Variants in TMPRSS15 observed in about 807,000 individuals in gnomAD.
TMPRSS15 encodes the protein transmembrane serine protease 15, also known as enteropeptidase.
A neutral mutation model predicts 125.3 loss-of-function variants in TMPRSS15; 128 were observed. The ratio of observed to expected loss-of-function variants is 1.02; its 90% CI spans 0.89 to 1.18. The LOEUF is 1.18. Among genes scored for constraint, TMPRSS15 ranks in the 50% most tolerant of loss-of-function variants. TMPRSS15 has a pLI of 0.00. For synonymous variants in TMPRSS15, 446 were observed against 423.2 expected, an observed-to-expected ratio of 1.05 and a Z score of -0.66; for missense variants, 1,283 against 1,212.7, an observed-to-expected ratio of 1.06 and a Z score of -0.86.
At position 18,269,930 on chromosome 21, in the gene TMPRSS15, G is replaced by T; in HGVS notation, c.*39C>A. The T allele has an allele frequency of 6.2e-7, 1 of 1,610,710 alleles. No individual in the cohort carries two copies. The highest frequency in any genetic ancestry group is 8.5e-7 in the Non-Finnish European group (1 of 1,177,692). ...TTCCATGCTTTCTAGAGTAGAATGG[G>T]AAAATAATGCGACTTTCCTGTTTAG... On this transcript the variant is annotated 3_prime_UTR_variant, in exon 25 of 25. Coordinates refer to ENST00000284885, the MANE Select transcript of TMPRSS15 (RefSeq NM_002772.3).
intron 13 of TMPRSS15, among the ~76,000 whole-genome samples, chr21:18,339,348 G>A (rs2075424742): frequency 6.6e-6 from 1 of 152,116 alleles, no homozygotes; most frequent in African/African-American, 2.4e-5. Flanking sequence ...CCTAATGGTA[G>A]CTCATTTGTT....
chr21:18,466,936 T>C (rs531385203), intron 1 of TMPRSS15, among the ~76,000 whole-genome samples: 1 of 152,202 alleles, frequency 6.6e-6, no homozygotes, highest in South Asian at 2.1e-4. Context: ...TATAAATCAT[T>C]CTACTATAAA....
In TMPRSS15 at chr21:18,365,206, C is replaced by G. The variant is rs143785380; in HGVS notation, c.707G>C (p.Gly236Ala). The change falls in exon 7 of 25, where the codon GGG becomes GCG. Residue 236 changes from glycine (G) to alanine (A), a missense_variant. Physicochemically the swap from Gly to Ala is moderately conservative, Grantham distance 60. Coordinates refer to ENST00000284885, the MANE Select transcript of TMPRSS15 (RefSeq NM_002772.3). ...TGGATAATGAGTAGCCTGGAAAGAC[C>G]CAGATGATCCAGTTAACAAAAATCT... ...DGRFLLTGSS[G>A]SFQATHYPKP... 2.1e-5 allele frequency: 34 copies of G among 1,613,936 alleles called. No homozygotes were observed. The Middle Eastern group carries it at 8.2e-4, about 39-fold the overall frequency.
At chr21:18,300,413 C>T (rs570913579) in intron 18 of TMPRSS15, among the ~76,000 whole-genome samples, 1 of 149,726 alleles carries the variant, frequency 6.7e-6, no homozygotes, top group African/African-American at 2.5e-5. Context: ...TCAATCTCGA[C>T]TCACTGCAAC....
intron 1 of TMPRSS15, among the ~76,000 whole-genome samples, chr21:18,464,857 C>T (rs973471186): frequency 6.6e-6 from 1 of 152,178 alleles, no homozygotes; most frequent in Admixed American, 6.5e-5. Context: ...ACCATTCCTT[C>T]TGAAACTCTT....
At chr21:18,395,937 C>T (rs1337812654) in intron 3 of TMPRSS15, among the ~76,000 whole-genome samples, 4 of 152,176 alleles carry the variant, frequency 2.6e-5, no homozygotes, top group African/African-American at 7.2e-5. Context: ...TGCTATTGAG[C>T]TTGTACATTG....
In TMPRSS15 at chr21:18,436,944, C is replaced by T. The variant is rs556743092; in HGVS notation, c.11-38615G>A. ...AATGCCATCCCCATCAAGCTACCAA[C>T]GACTTTCTTCACAGAATTGGAAAAA... On this transcript the variant is annotated intron_variant, in intron 1 of 7. Transcript: ENST00000422787. Among the ~76,000 whole-genome samples, 612 of 114,272 alleles carry T rather than the reference C, an allele frequency of 5.4e-3. 5 individuals are homozygous for T. Among genetic ancestry groups the T allele is most frequent in the Non-Finnish European group, 6.2e-3 (340 of 55,092 alleles). 75.0% of individuals were successfully genotyped at this position (114,272 alleles called of 152,430 possible).
At chr21:18,432,641 T>A (rs951405189) in intron 1 of TMPRSS15, among the ~76,000 whole-genome samples, 2 of 152,102 alleles carry the variant, frequency 1.3e-5, no homozygotes, top group Non-Finnish European at 2.9e-5. Context: ...AAAGAAAGCA[T>A]CAGGCTACCA....
Position 18,326,594 on chromosome 21 carries a change from T to G in TMPRSS15, c.1781-22A>C, listed in dbSNP as rs377160330. The G allele has an allele frequency of 1.9e-6, 3 of 1,613,814 alleles. No homozygotes were observed. In the African/African-American group the frequency reaches 4.0e-5, roughly 22 times the overall value. On this transcript the variant is annotated intron_variant, in intron 15 of 24. Transcript: ENST00000284885. ...ACAGCTGTTCCAAAGGAAAACGAGA[T>G]AATCAGTGAGATGATCCTTTGGATC... is the stretch of plus-strand genomic sequence containing the variant.
chr21:18,478,180 C>T (rs1041843116), intron 1 of TMPRSS15, among the ~76,000 whole-genome samples: 6 of 151,930 alleles, frequency 3.9e-5, no homozygotes, highest in Admixed American at 1.3e-4. Flanking sequence ...TAACTAGAAA[C>T]GTTAAAGCAG....
Position 18,403,481 on chromosome 21 carries a change from G to T in TMPRSS15, c.142C>A (p.Arg48=), listed in dbSNP as rs1481119745. The T allele has an allele frequency of 6.2e-7, 1 of 1,614,128 alleles. No homozygotes were observed. Among genetic ancestry groups the T allele is most frequent in the Non-Finnish European group, 8.5e-7 (1 of 1,180,006 alleles). The change falls in exon 1 of 25, where the codon CGA becomes AGA. Residue 48 remains arginine (R), a synonymous_variant. Coordinates refer to ENST00000284885, the MANE Select transcript of TMPRSS15 (RefSeq NM_002772.3). ...VSCLTIKESQ[R]GAALGQSHEA... Reference sequence around the variant, plus strand: ...GAGCCAACTCCATGTGACTTACCTCGTTGGGATTCCTTGATTGTCAGGCAG... The same window carrying T: ...GAGCCAACTCCATGTGACTTACCTCTTTGGGATTCCTTGATTGTCAGGCAG...
rs200326792 is a variant in TMPRSS15, at chr21:18,276,845, C to T, written c.2765-1509G>A. 6.6e-5 allele frequency among the ~76,000 whole-genome samples: 10 copies of T among 151,212 alleles called. No homozygotes were observed. The South Asian group carries it at 8.4e-4, about 13-fold the overall frequency. On this transcript the variant is annotated intron_variant, in intron 23 of 24. Transcript: ENST00000284885. ...CGCAATCTCGGCTCACTGCAACCTC[C>T]GCCTCCTGGGTTCAAGTGATTCTCC... is the stretch of plus-strand genomic sequence containing the variant.
intron 21 of TMPRSS15, among the ~76,000 whole-genome samples, chr21:18,289,631 A>G (rs1490123995): frequency 1.3e-5 from 2 of 152,238 alleles, no homozygotes; most frequent in Non-Finnish European, 2.9e-5. Context: ...AATTGTTTCA[A>G]TAAGAAATCA....
intron 7 of TMPRSS15, 58 bp downstream of exon 7, chr21:18,365,082 G>A (rs375014868): frequency 1.4e-5 from 19 of 1,378,592 alleles, no homozygotes; most frequent in African/African-American, 4.3e-5. Flanking sequence ...GCAATAAGAC[G>A]TTGCATCAGA....
At chr21:18,467,364 C>A (rs978391566) in intron 1 of TMPRSS15, among the ~76,000 whole-genome samples, 97 of 151,568 alleles carry the variant, frequency 6.4e-4, no homozygotes, top group Non-Finnish European at 1.1e-3. Context: ...ATGTAACAAA[C>A]CTGCACGTTC....
chr21:18,468,728 T>C (rs986930499), intron 1 of TMPRSS15, among the ~76,000 whole-genome samples: 3 of 152,156 alleles, frequency 2.0e-5, no homozygotes, highest in Non-Finnish European at 4.4e-5. Flanking sequence ...CAATGTTTCA[T>C]TTATTTCATT....
At chr21:18,294,132 T>C (rs1601286966) in intron 21 of TMPRSS15, 138 bp downstream of exon 21, 1 of 1,018,874 alleles carries the variant, frequency 9.8e-7, no homozygotes. Context: ...AATGGGAAAA[T>C]AATTGGAATG....
chr21:18,433,663 C>T (rs1346737411), intron 1 of TMPRSS15, among the ~76,000 whole-genome samples: 1 of 62,446 alleles, frequency 1.6e-5, no homozygotes, highest in South Asian at 8.0e-4. Context: ...GACCTTGTCT[C>T]AAAAAAAAAA....
intron 17 of TMPRSS15, among the ~76,000 whole-genome samples, chr21:18,314,527 C>G (rs916560553): frequency 2.0e-5 from 3 of 152,280 alleles, no homozygotes; most frequent in Middle Eastern, 3.4e-3. Context: ...ATCTGCCCAC[C>G]TCGGCCTCCC....
Sources: gnomAD v4.1 joint callset for allele counts (sites outside exome capture counted in the v4.1 genomes callset) on GRCh38, gnomAD v4.1.1 for gene constraint, MANE v1.5 for transcripts, NCBI Gene and HGNC (gene_info 2026-07-23, HGNC 2026-07-21) for gene names.